PDE11A: variants seen among roughly 807,000 people sequenced by gnomAD.
PDE11A encodes the protein dual 3',5'-cyclic-AMP and -GMP phosphodiesterase 11A.
PDE11A carries 100 observed loss-of-function variants against 100.5 expected under a neutral mutation model. The ratio of observed to expected loss-of-function variants is 1.00; its 90% confidence interval spans 0.85 to 1.18. PDE11A has a LOEUF of 1.18. PDE11A is among the 50% of genes most tolerant of loss of function. The pLI, the probability that PDE11A is intolerant of heterozygous loss-of-function variation, is 0.00. For synonymous variants in PDE11A, 381 were observed against 420.8 expected (o/e 0.91, Z 1.16); for missense variants, 1,141 against 1,152.6 (o/e 0.99, Z 0.15).
At chr2:177,899,653 T>C in intron 3 of PDE11A, 1 of 216,824 alleles carries the variant, frequency 4.6e-6, no homozygotes, top group Non-Finnish European at 9.6e-6. Flanking sequence ...TATATATATA[T>C]ATGTAATTTA....
chr2:177,732,368 T>A (rs900547965), intron 10 of PDE11A, among the ~76,000 whole-genome samples: 2 of 152,210 alleles, frequency 1.3e-5, no homozygotes, highest in African/African-American at 2.4e-5. Flanking sequence ...AAATCAAATG[T>A]TAGTGGGAAA....
At chr2:178,104,374 G>A in exon 2 of PDE11A, 3 of 1,614,062 alleles carry the variant, frequency 1.9e-6, no homozygotes, top group African/African-American at 2.7e-5. Context: ...AGGCCCCAGA[G>A]ATTTGGACCA....
chr2:177,861,652 T>A (rs537447545), intron 5 of PDE11A, among the ~76,000 whole-genome samples: 2 of 152,004 alleles, frequency 1.3e-5, no homozygotes, highest in Non-Finnish European at 3.0e-5. Flanking sequence ...GTCAAAGGAC[T>A]CACACTTTTA....
intron 6 of PDE11A, among the ~76,000 whole-genome samples, chr2:177,828,200 GA>G (rs780149542): frequency 2.0e-5 from 3 of 152,038 alleles, no homozygotes; most frequent in Non-Finnish European, 4.4e-5. Context: ...TCCATCTTTA[GA>G]GATAGCAATT....
chr2:177,844,091 T>C (rs1243040360), intron 5 of PDE11A, among the ~76,000 whole-genome samples: 1 of 152,204 alleles, frequency 6.6e-6, no homozygotes, highest in African/African-American at 2.4e-5. Flanking sequence ...GATAGGAAAG[T>C]TGATTTGTCA....
rs2087134168 is a variant in PDE11A at position 178,071,745 on chromosome 2, A to T, written c.693T>A (p.Leu231=). The T allele has an allele frequency of 6.2e-7, 1 of 1,613,920 alleles. No homozygotes were observed. The highest frequency in any genetic ancestry group is 8.5e-7 in the Non-Finnish European group (1 of 1,179,884). ...GAGAGCAGCGGTCAGCATCCACCAT[A>T]AGGCAGACAAAGATGAGAATCTTGT... ...LSYKILIFVC[L]MVDADRCSLF... is the part of the protein sequence containing the mutation. The change falls in exon 1 of 20, where the codon CTT becomes CTA. Residue 231 remains leucine (L), a synonymous_variant. Transcript: ENST00000286063.
At chr2:177,970,768 C>T (rs1366013625) in intron 2 of PDE11A, among the ~76,000 whole-genome samples, 1 of 152,114 alleles carries the variant, frequency 6.6e-6, no homozygotes, top group Non-Finnish European at 1.5e-5. Flanking sequence ...TTTGGAGACA[C>T]CACCACTTCA....
chr2:178,011,979 T>G (rs2086279290), intron 2 of PDE11A: 1 of 152,266 alleles, frequency 6.6e-6, no homozygotes, highest in African/African-American at 2.4e-5. Flanking sequence ...GTGAATCACT[T>G]CTAGATTTTG....
chr2:177,872,218 A>G (rs141217309), intron 5 of PDE11A, among the ~76,000 whole-genome samples: 6 of 152,334 alleles, frequency 3.9e-5, no homozygotes, highest in African/African-American at 1.4e-4. Context: ...CTGCCTCCAA[A>G]CAACAAATTT....
At chr2:177,997,243 C>A in intron 2 of PDE11A, 1 of 1,281,362 alleles carries the variant, frequency 7.8e-7, no homozygotes, top group Non-Finnish European at 1.1e-6. Flanking sequence ...CCAACCTCGG[C>A]CCCCTCTACT....
At chr2:178,060,557 A>T (rs1255528082) in intron 1 of PDE11A, among the ~76,000 whole-genome samples, 1 of 152,170 alleles carries the variant, frequency 6.6e-6, no homozygotes, top group African/African-American at 2.4e-5. Flanking sequence ...GAATTGCAGA[A>T]ACTAGCAACT....
chr2:177,629,443 A>AC lies in PDE11A; in HGVS notation c.2765_2766insG (p.Ala923CysfsTer26), dbSNP rs1553528535. The AC allele has an allele frequency of 2.8e-6, 4 of 1,443,058 alleles. No homozygotes were observed. The East Asian group carries it at 9.7e-5, about 35-fold the overall frequency. The allele number at this position is 1,443,058 out of a possible 1,614,324, so 89.4% of individuals were successfully genotyped here. On this transcript the variant is annotated frameshift_variant, in exon 20 of 20. Transcript: ENST00000286063. LOFTEE classifies it low-confidence loss of function (END_TRUNC). Reference sequence around the variant, plus strand: ...CTTCCTTGGCTACCATAACACTGGCAGGGGAGGATGAGGCAGTTGAGGCCA... The same window carrying AC: ...CTTCCTTGGCTACCATAACACTGGCACGGGGAGGATGAGGCAGTTGAGGCCA...
rs777381247 is a variant in PDE11A, at chr2:178,072,216, A to AC, written c.221dup (p.Gly75TrpfsTer65). On this transcript the variant is annotated frameshift_variant, in exon 1 of 20. Coordinates refer to ENST00000286063, the MANE Select transcript of PDE11A (RefSeq NM_016953.4). LOFTEE classifies it high-confidence loss of function. ...GGGCAGAGCCATTTGGTCCAGTGCCACCACCAACGCTGCTGCCACCTCTGC... is the reference window on the plus strand; with the variant it reads ...GGGCAGAGCCATTTGGTCCAGTGCCACCCACCAACGCTGCTGCCACCTCTGC... 12 of 1,613,618 alleles carry AC rather than the reference A, an allele frequency of 7.4e-6. No individual in the cohort carries two copies. In the East Asian group the frequency reaches 2.7e-4, roughly 36 times the overall value.
At chr2:177,820,152 T>G (rs58796031) in intron 7 of PDE11A, 68 bp downstream of exon 7, 207,428 of 841,792 alleles carry the variant, frequency 0.25, 27,544 homozygotes, top group African/African-American at 0.45. Flanking sequence ...AAAAAAGATA[T>G]GGGAATATTT....
intron 1 of PDE11A, among the ~76,000 whole-genome samples, chr2:178,047,796 G>A (rs2086770494): frequency 6.6e-6 from 1 of 152,172 alleles, no homozygotes; most frequent in African/African-American, 2.4e-5. Flanking sequence ...AGCTGAGAGA[G>A]TCTCAGAAGT....
chr2:177,988,838 C>T (rs919338976), intron 2 of PDE11A, among the ~76,000 whole-genome samples: 2 of 152,198 alleles, frequency 1.3e-5, no homozygotes, highest in African/African-American at 4.8e-5. Context: ...ATACAGGCAG[C>T]AAGAAATGTC....
At chr2:177,844,077 GAC>G (rs377655749) in intron 5 of PDE11A, among the ~76,000 whole-genome samples, 62 of 152,340 alleles carry the variant, frequency 4.1e-4, no homozygotes, top group African/African-American at 1.5e-3. Flanking sequence ...TCCTCAGAGA[GAC>G]AGATAGGAAA....
At chr2:177,838,419 C>T (rs1293641606) in intron 6 of PDE11A, among the ~76,000 whole-genome samples, 2 of 152,124 alleles carry the variant, frequency 1.3e-5, no homozygotes, top group African/African-American at 4.8e-5. Flanking sequence ...GGAAAATAAG[C>T]ACTTAAATGA....
intron 17 of PDE11A, among the ~76,000 whole-genome samples, chr2:177,670,439 G>T (rs537236078): frequency 2.2e-4 from 34 of 151,992 alleles, no homozygotes; most frequent in African/African-American, 8.2e-4. Flanking sequence ...GAAGCAAATT[G>T]ATATGACAGA....
Sources: allele counts gnomAD v4.1 joint callset (sites outside exome capture counted in the v4.1 genomes callset), GRCh38; gene constraint gnomAD v4.1.1; transcripts MANE v1.5; gene names NCBI Gene and HGNC (gene_info 2026-07-23, HGNC 2026-07-21).